The following TOLLIP variants were observed in gnomAD, a reference collection of about 807,000 sequenced individuals.
TOLLIP encodes toll interacting protein.
TOLLIP carries 16 observed loss-of-function variants against 33.5 expected under a neutral mutation model. The observed-to-expected ratio is 0.48, with a 90% CI of 0.32 to 0.72. TOLLIP has a LOEUF of 0.72. Ranked by LOEUF, TOLLIP falls within the 30% of genes least tolerant of loss-of-function variation. The pLI is 0.03. For missense variants in TOLLIP, 325 were observed against 396.6 expected, an observed-to-expected ratio of 0.82 and a Z score of 1.53; for synonymous variants, 176 against 163.7, an observed-to-expected ratio of 1.07 and a Z score of -0.57.
rs779882402 is a variant in TOLLIP at position 1,290,341 on chromosome 11, C to T, written c.252G>A (p.Ala84=). Residue 84 remains alanine, a synonymous_variant, in exon 3 of 6, where the codon GCG becomes GCA. Coordinates refer to ENST00000317204, the MANE Select transcript of TOLLIP (RefSeq NM_019009.4). This position sits in a 1 kb window ranked among gnomAD's most constrained non-coding sequence, Gnocchi z 4.9. ...DPYCRLRLGY[A]VYETPTAHNG... is the part of the protein sequence containing the mutation. ...TGTGTGCCGTGGGCGTCTCGTACAC[C>T]GCGTAGCCCAGGCGCAGTCGGCAGT... is the stretch of plus-strand genomic sequence containing the variant. 5.1e-5 allele frequency: 83 copies of T among 1,613,454 alleles called. 2 individuals carry two copies. In the South Asian group the frequency reaches 7.0e-4, roughly 14 times the overall value.
chr11:1,287,059 C>T (rs958733287), intron 4 of TOLLIP, among the ~76,000 whole-genome samples: 1 of 152,024 alleles, frequency 6.6e-6, no homozygotes, highest in Non-Finnish European at 1.5e-5. Flanking sequence ...TCAAAACTGT[C>T]AGCTGCGGAT....
intron 1 of TOLLIP, among the ~76,000 whole-genome samples, chr11:1,301,042 C>T (rs1052110625): frequency 6.6e-6 from 1 of 152,234 alleles, no homozygotes; most frequent in Non-Finnish European, 1.5e-5. Context: ...ATAACTAAGT[C>T]GAACGAAGTT....
chr11:1,307,421 A>T (rs1200300591), intron 1 of TOLLIP, among the ~76,000 whole-genome samples: 1 of 152,226 alleles, frequency 6.6e-6, no homozygotes, highest in East Asian at 1.9e-4. Flanking sequence ...CGGGTGTAAC[A>T]GCGCTGCACG....
intron 1 of TOLLIP, among the ~76,000 whole-genome samples, chr11:1,296,450 G>A (rs5743932): frequency 0.023 from 3,531 of 152,346 alleles, 57 homozygotes; most frequent in Non-Finnish European, 0.033. Context: ...GAAACCACCC[G>A]CACACCTGCA....
intron 2 of TOLLIP, chr11:1,292,033 G>A (rs1254953576): frequency 1.3e-5 from 2 of 152,304 alleles, no homozygotes; most frequent in Non-Finnish European, 2.9e-5. Context: ...GGTCAAAACT[G>A]CCCCATTCTT....
At chr11:1,284,882 C>T (rs1385586616) in intron 5 of TOLLIP, among the ~76,000 whole-genome samples, 2 of 151,104 alleles carry the variant, frequency 1.3e-5, no homozygotes, top group Non-Finnish European at 1.5e-5. Context: ...GCCGTCTCCT[C>T]CTTCCCATCG....
At chr11:1,289,547 T>A (rs896539059) in intron 3 of TOLLIP, among the ~76,000 whole-genome samples, 1 of 152,112 alleles carries the variant, frequency 6.6e-6, no homozygotes, top group Non-Finnish European at 1.5e-5. Flanking sequence ...TCCCACCCAG[T>A]AGGCAGCCGC....
chr11:1,288,840 G>A (rs1020265317), intron 3 of TOLLIP, 64 bp from the exon 4 acceptor site: 140 of 1,550,780 alleles, frequency 9.0e-5, no homozygotes, highest in Admixed American at 2.2e-4. Context: ...CCCTGCAGCC[G>A]CACCATCGTG....
chr11:1,287,388 T>C (rs61869685), intron 4 of TOLLIP, among the ~76,000 whole-genome samples: 37,338 of 101,286 alleles, frequency 0.37, 7,546 homozygotes, highest in Middle Eastern at 0.44. Context: ...AGCAGCTCCC[T>C]GCTGCTGCCT....
Position 1,276,574 on chromosome 11 carries a change from C to A in TOLLIP, c.*465G>T. On this transcript the variant is annotated 3_prime_UTR_variant, in exon 6 of 6. Coordinates refer to ENST00000317204, the MANE Select transcript of TOLLIP (RefSeq NM_019009.4). Reference sequence around the variant, plus strand: ...ACAGCAAAGCGCGTTAGGGCAAGGGCGTGAGTTTTCGTCTGGGAAGTTCTA... The same window carrying A: ...ACAGCAAAGCGCGTTAGGGCAAGGGAGTGAGTTTTCGTCTGGGAAGTTCTA... 1.0e-6 allele frequency: 1 copy of A among 977,110 alleles called. No homozygotes were observed. The highest frequency in any genetic ancestry group is 1.5e-5 in the South Asian group (1 of 67,736). 60.5% of individuals were successfully genotyped at this position (977,110 alleles called of 1,614,324 possible).
chr11:1,289,137 C>T (rs1863848449), intron 3 of TOLLIP, among the ~76,000 whole-genome samples: 1 of 152,228 alleles, frequency 6.6e-6, no homozygotes, highest in Non-Finnish European at 1.5e-5. Context: ...CCGGCTGCCA[C>T]CTGTCAAGCC....
chr11:1,292,655 C>T (rs2133910528), intron 2 of TOLLIP, among the ~76,000 whole-genome samples: 1 of 152,378 alleles, frequency 6.6e-6, no homozygotes, highest in East Asian at 1.9e-4. Flanking sequence ...GTGCAGGAGA[C>T]ACTGTGGACA....
intron 4 of TOLLIP, among the ~76,000 whole-genome samples, chr11:1,288,060 C>G (rs566940196): frequency 6.6e-6 from 1 of 152,266 alleles, no homozygotes; most frequent in South Asian, 2.1e-4. Flanking sequence ...CCCCCAGGAG[C>G]TGCAGGTGCC....
intron 1 of TOLLIP, among the ~76,000 whole-genome samples, chr11:1,301,170 T>A (rs762769226): frequency 5.3e-5 from 8 of 152,250 alleles, no homozygotes; most frequent in Non-Finnish European, 1.2e-4. Context: ...ACAACTTATA[T>A]AAACACAATA....
At chr11:1,307,427 G>A (rs540659337) in intron 1 of TOLLIP, among the ~76,000 whole-genome samples, 23 of 152,230 alleles carry the variant, frequency 1.5e-4, no homozygotes, top group Non-Finnish European at 3.1e-4. Flanking sequence ...TAACAGCGCT[G>A]CACGCCGGTG....
chr11:1,289,820 C>T (rs1285735822), intron 3 of TOLLIP, among the ~76,000 whole-genome samples: 3 of 146,348 alleles, frequency 2.0e-5, no homozygotes, highest in African/African-American at 5.2e-5. Context: ...TGCCCAGTGG[C>T]GGGGGACACA....
intron 4 of TOLLIP, among the ~76,000 whole-genome samples, chr11:1,288,393 C>T (rs1863817275): frequency 6.6e-6 from 1 of 152,212 alleles, no homozygotes; most frequent in Non-Finnish European, 1.5e-5. Context: ...ACAAACAACC[C>T]CTATGCTGTT....
At position 1,309,548 on chromosome 11, in the gene TOLLIP, G is replaced by A; in HGVS notation, c.-50C>T. On this transcript the variant is annotated 5_prime_UTR_variant, in exon 1 of 6. Transcript: ENST00000317204. Reference sequence around the variant, plus strand: ...CGCCGACCCGACAGTGACGCGCCGGGCGACCTCCTGCGCCCCCGCCGGAGC... The same window carrying A: ...CGCCGACCCGACAGTGACGCGCCGGACGACCTCCTGCGCCCCCGCCGGAGC... 3 of 1,185,408 alleles carry A rather than the reference G, an allele frequency of 2.5e-6. No individual in the cohort carries two copies. Among genetic ancestry groups the A allele is most frequent in the Non-Finnish European group, 3.2e-6 (3 of 928,332 alleles). 73.4% of individuals were successfully genotyped at this position (1,185,408 alleles called of 1,614,324 possible).
chr11:1,296,496 A>G (rs1864115715), intron 1 of TOLLIP, among the ~76,000 whole-genome samples: 1 of 152,192 alleles, frequency 6.6e-6, no homozygotes, highest in Non-Finnish European at 1.5e-5. Context: ...CATGCTCCAC[A>G]GGTGAAAGGT....
Sources: allele counts gnomAD v4.1 joint callset (sites outside exome capture counted in the v4.1 genomes callset), GRCh38; gene constraint gnomAD v4.1.1; non-coding constraint Gnocchi (gnomAD v3.1); transcripts MANE v1.5; gene names NCBI Gene and HGNC (gene_info 2026-07-23, HGNC 2026-07-21).